CCDC138: variants seen among roughly 807,000 people sequenced by gnomAD.
CCDC138 encodes the protein coiled-coil domain-containing protein 138.
CCDC138 carries 66 observed loss-of-function variants against 82.3 expected under a neutral mutation model. The ratio of observed to expected loss-of-function variants is 0.80; its 90% CI spans 0.66 to 0.98. CCDC138 has a LOEUF of 0.98. Among genes scored for constraint, CCDC138 ranks in the 50% least tolerant of loss-of-function variants. The probability of loss-of-function intolerance (pLI) is 0.00; values close to 1 mark genes in which losing one functional copy is unlikely to be tolerated. For synonymous variants in CCDC138, 297 were observed against 265.4 expected (o/e 1.12, Z -1.16); for missense variants, 816 against 758.9 (o/e 1.08, Z -0.88).
At chr2:108,806,083 C>T (rs1411237455) in intron 7 of CCDC138, among the ~76,000 whole-genome samples, 1 of 152,134 alleles carries the variant, frequency 6.6e-6, no homozygotes, top group African/African-American at 2.4e-5. Context: ...TTGTTGTGAT[C>T]CTCCTCCTTG....
intron 10 of CCDC138, among the ~76,000 whole-genome samples, chr2:108,822,121 A>AAGACC: frequency 6.6e-6 from 1 of 152,262 alleles, no homozygotes; most frequent in South Asian, 2.1e-4. Context: ...GAAAAAGACA[A>AAGACC]TCCTTGTCAA....
chr2:108,861,290 C>T (rs188995504), intron 13 of CCDC138, among the ~76,000 whole-genome samples: 7 of 151,548 alleles, frequency 4.6e-5, no homozygotes, highest in South Asian at 2.1e-4. Context: ...TTTTTCATTT[C>T]GTCGATCCTT....
chr2:108,807,273 C>T (rs1223099277), intron 7 of CCDC138, among the ~76,000 whole-genome samples: 2 of 151,908 alleles, frequency 1.3e-5, no homozygotes, highest in African/African-American at 2.4e-5. Flanking sequence ...TAGCATAGGT[C>T]CATTTTTGCC....
At chr2:108,822,528 C>T (rs765916136) in intron 10 of CCDC138, among the ~76,000 whole-genome samples, 1 of 152,192 alleles carries the variant, frequency 6.6e-6, no homozygotes, top group Non-Finnish European at 1.5e-5. Context: ...GTACATGGAA[C>T]ATCCTCCAGA....
At chr2:108,845,799 C>T (rs1690354574) in intron 11 of CCDC138, among the ~76,000 whole-genome samples, 1 of 152,084 alleles carries the variant, frequency 6.6e-6, no homozygotes, top group Admixed American at 6.6e-5. Flanking sequence ...TCTCGATCTC[C>T]TGACCTCATG....
intron 7 of CCDC138, among the ~76,000 whole-genome samples, chr2:108,805,507 C>T (rs1437422993): frequency 2.6e-5 from 4 of 151,814 alleles, no homozygotes; most frequent in South Asian, 2.1e-4. Flanking sequence ...GGGCGGATCA[C>T]GAGGTCAGGA....
intron 3 of CCDC138, chr2:108,791,438 A>G (rs11675329): frequency 0.19 from 94,437 of 494,146 alleles, 10,755 homozygotes; most frequent in Non-Finnish European, 0.24. Context: ...AGGTAGGTAT[A>G]TGTCATTTTA....
At chr2:108,829,363 G>A (rs550921555) in intron 10 of CCDC138, among the ~76,000 whole-genome samples, 30 of 152,250 alleles carry the variant, frequency 2.0e-4, no homozygotes, top group African/African-American at 5.8e-4. Context: ...TAAAGAAATG[G>A]CCCCTAAGCT....
chr2:108,818,292 G>T (rs1324639116), intron 10 of CCDC138, among the ~76,000 whole-genome samples: 1 of 152,138 alleles, frequency 6.6e-6, no homozygotes, highest in East Asian at 1.9e-4. Flanking sequence ...GGGCAACAGA[G>T]TGAGACCCTG....
intron 10 of CCDC138, among the ~76,000 whole-genome samples, chr2:108,834,593 G>C (rs1246429770): frequency 1.3e-5 from 2 of 152,146 alleles, no homozygotes; most frequent in Non-Finnish European, 2.9e-5. Context: ...TTTCATTGTG[G>C]TAAAATATGC....
At chr2:108,870,571 A>C (rs1695074796) in intron 13 of CCDC138, among the ~76,000 whole-genome samples, 1 of 148,002 alleles carries the variant, frequency 6.8e-6, no homozygotes, top group African/African-American at 2.7e-5. Flanking sequence ...TGAAACTGTC[A>C]AAAGTAAAAG....
chr2:108,804,056 C>T (rs1682433559), intron 6 of CCDC138, among the ~76,000 whole-genome samples: 1 of 152,016 alleles, frequency 6.6e-6, no homozygotes, highest in African/African-American at 2.4e-5. Context: ...TCTCTGATCT[C>T]TCCATTTTTG....
At chr2:108,805,125 T>A in intron 7 of CCDC138, 117 bp downstream of exon 7, 1 of 446,914 alleles carries the variant, frequency 2.2e-6, no homozygotes, top group Non-Finnish European at 3.8e-6. Flanking sequence ...TGGATTACAT[T>A]TGTTAGCTTT....
intron 11 of CCDC138, among the ~76,000 whole-genome samples, chr2:108,842,148 C>T (rs537954072): frequency 1.3e-5 from 2 of 152,142 alleles, no homozygotes; most frequent in African/African-American, 4.8e-5. Flanking sequence ...CTGCCTCAGC[C>T]TCCTGTGTAG....
chr2:108,881,806 A>G (rs893551761), intron 1 of CCDC138, among the ~76,000 whole-genome samples: 1 of 152,204 alleles, frequency 6.6e-6, no homozygotes, highest in Non-Finnish European at 1.5e-5. Context: ...GCTGTCTTAC[A>G]TGGGTGTGGT....
intron 12 of CCDC138, among the ~76,000 whole-genome samples, chr2:108,848,015 A>G (rs1465995027): frequency 2.6e-5 from 4 of 152,174 alleles, no homozygotes; most frequent in African/African-American, 2.4e-5. Flanking sequence ...ACGCTTACAT[A>G]CCCACAGGTA....
intron 5 of CCDC138, 45 bp downstream of exon 5, chr2:108,794,766 C>A: frequency 1.4e-6 from 2 of 1,423,902 alleles, no homozygotes; most frequent in Non-Finnish European, 1.9e-6. Flanking sequence ...TATTTATGTT[C>A]TAAGAACCAA....
chr2:108,851,221 C>T (rs908504812), intron 12 of CCDC138, among the ~76,000 whole-genome samples: 4 of 152,178 alleles, frequency 2.6e-5, no homozygotes, highest in Non-Finnish European at 4.4e-5. Flanking sequence ...CCCTGGAGCA[C>T]CACGCTCCAG....
At chr2:108,809,124 G>C (rs541815077) in intron 7 of CCDC138, among the ~76,000 whole-genome samples, 1 of 152,214 alleles carries the variant, frequency 6.6e-6, no homozygotes, top group South Asian at 2.1e-4. Context: ...TCAGTTGGCT[G>C]TAAATGTGTG....
Sources: allele counts gnomAD v4.1 joint callset (sites outside exome capture counted in the v4.1 genomes callset), GRCh38; gene constraint gnomAD v4.1.1; transcripts MANE v1.5; gene names NCBI Gene and HGNC (gene_info 2026-07-23, HGNC 2026-07-21).